Variants in CENPE observed in about 807,000 individuals in gnomAD.
The protein encoded by CENPE is centromere-associated protein E.
In CENPE, 145 loss-of-function variants were observed where a neutral mutation model predicts 336.1. The observed-to-expected ratio is 0.43, with a 90% confidence interval of 0.38 to 0.50. The LOEUF (loss-of-function observed/expected upper bound fraction) is 0.50, where lower values mean the gene tolerates loss of function less well. CENPE is among the 20% of genes least tolerant of loss of function. The probability of loss-of-function intolerance (pLI) is 0.00; values close to 1 mark genes in which losing one functional copy is unlikely to be tolerated. For synonymous variants in CENPE, 1,013 were observed against 984.8 expected (o/e 1.03, Z -0.54); for missense variants, 2,719 against 3,023.3 (o/e 0.90, Z 2.36).
At chr4:103,195,329 T>A in intron 4 of CENPE, 96 bp from the exon 5 acceptor site, 1 of 984,796 alleles carries the variant, frequency 1.0e-6, no homozygotes, top group Non-Finnish European at 1.4e-6. Flanking sequence ...AAAATGTATG[T>A]AAAACAAACT....
chr4:103,173,045 T>G, intron 16 of CENPE, among the ~76,000 whole-genome samples: 1 of 152,036 alleles, frequency 6.6e-6, no homozygotes, highest in East Asian at 1.9e-4. Flanking sequence ...AGACCCTGTA[T>G]AGCCAAAGCA....
At chr4:103,124,816 A>G (rs1750952950) in intron 42 of CENPE, among the ~76,000 whole-genome samples, 1 of 152,076 alleles carries the variant, frequency 6.6e-6, no homozygotes, top group African/African-American at 2.4e-5. Flanking sequence ...ATTCTACCAG[A>G]TCTTAAATTC....
chr4:103,107,885 T>G (rs1182752335), intron 48 of CENPE, among the ~76,000 whole-genome samples: 2 of 152,208 alleles, frequency 1.3e-5, no homozygotes, highest in East Asian at 3.8e-4. Flanking sequence ...CTCCTGCCAT[T>G]GCTTAAGATC....
chr4:103,169,311 G>C (rs1755197741), intron 16 of CENPE, among the ~76,000 whole-genome samples: 1 of 151,072 alleles, frequency 6.6e-6, no homozygotes, highest in African/African-American at 2.4e-5. Flanking sequence ...GCAAATATTT[G>C]GGTCACTGCA....
intron 11 of CENPE, chr4:103,181,658 T>C (rs1414391963): frequency 5.5e-6 from 2 of 366,190 alleles, no homozygotes; most frequent in East Asian, 6.2e-5. Context: ...TTCGGGAGAA[T>C]AAAAAAGATA....
At chr4:103,127,614 C>T (rs189299473) in intron 42 of CENPE, among the ~76,000 whole-genome samples, 216 of 152,110 alleles carry the variant, frequency 1.4e-3, no homozygotes, top group African/African-American at 4.8e-3. Context: ...AAATGAATAA[C>T]GGCAATGATA....
chr4:103,167,067 A>T (rs1260585711), intron 16 of CENPE, among the ~76,000 whole-genome samples: 2 of 152,174 alleles, frequency 1.3e-5, no homozygotes, highest in Non-Finnish European at 2.9e-5. Context: ...ATTTTCACAT[A>T]ACTCTCTTAG....
At position 103,149,015 on chromosome 4, in the gene CENPE, T is replaced by A; in HGVS notation, c.3688-16A>T. The A allele has an allele frequency of 6.2e-7, 1 of 1,606,650 alleles. No homozygotes were observed. Among genetic ancestry groups the A allele is most frequent in the Non-Finnish European group, 8.5e-7 (1 of 1,178,200 alleles). On this transcript the variant is annotated splice_polypyrimidine_tract_variant and intron_variant, in intron 27 of 48. Transcript: ENST00000265148. ...TTTGTAGGCCCTTGGCGAGTGAAAT[T>A]TAAAGAATATTGTAATATTCTTCCA...
intron 42 of CENPE, among the ~76,000 whole-genome samples, chr4:103,125,133 G>A (rs569257837): frequency 1.3e-5 from 2 of 152,244 alleles, no homozygotes; most frequent in Admixed American, 6.5e-5. Flanking sequence ...CAATAAACAG[G>A]ATGAACTTTC....
intron 21 of CENPE, 113 bp from the exon 22 acceptor site, chr4:103,159,437 A>C: frequency 1.6e-6 from 1 of 624,106 alleles, no homozygotes; most frequent in Non-Finnish European, 2.6e-6. Context: ...TTCAGCAAAA[A>C]TTTGACTGTG....
chr4:103,140,402 G>C lies in CENPE; in HGVS notation c.5767C>G (p.Gln1923Glu), dbSNP rs374410214. The change falls in exon 37 of 49, where the codon CAA (glutamine) becomes GAA (glutamate). Residue 1923 changes from glutamine (Q) to glutamate (E), a missense_variant. Around this residue, in one of 5 missense-constraint regions of CENPE, gnomAD observed 2,437 missense variants for 2,513.3 expected, o/e 0.97. Transcript: ENST00000265148. ...ATACGAGCAGTTTTTAGTTCCTGTTGTATTTCCAGATCCTTTATGGTTAGA... is the reference window on the plus strand; with the variant it reads ...ATACGAGCAGTTTTTAGTTCCTGTTCTATTTCCAGATCCTTTATGGTTAGA... ...QETKARDLEI[Q>E]QELKTARMLS... The C allele has an allele frequency of 3.1e-6, 5 of 1,587,438 alleles. No homozygotes were observed. The highest frequency in any genetic ancestry group is 2.7e-5 in the African/African-American group (2 of 73,406).
intron 16 of CENPE, among the ~76,000 whole-genome samples, chr4:103,173,864 G>A (rs1755634157): frequency 6.6e-6 from 1 of 151,872 alleles, no homozygotes; most frequent in Non-Finnish European, 1.5e-5. Context: ...GAAGGCAGAA[G>A]AGAACTTGTT....
At position 103,194,689 on chromosome 4, in the gene CENPE, A is replaced by C. The variant is rs965594001; in HGVS notation, c.478-5T>G. On this transcript the variant is annotated splice_polypyrimidine_tract_variant and splice_region_variant and intron_variant, in intron 5 of 48. Coordinates refer to ENST00000265148, the MANE Select transcript of CENPE (RefSeq NM_001813.3). ...ATCAGCAACATACACATTCCTCTGAAACAAGTTTAATTATGGAAAGATTAG... is the reference window on the plus strand; with the variant it reads ...ATCAGCAACATACACATTCCTCTGACACAAGTTTAATTATGGAAAGATTAG... 1 of 1,589,706 alleles carries C rather than the reference A, an allele frequency of 6.3e-7. No homozygotes were observed. The highest frequency in any genetic ancestry group is 1.4e-5 in the African/African-American group (1 of 73,918).
At chr4:103,154,225 C>A (rs1461367576) in intron 24 of CENPE, among the ~76,000 whole-genome samples, 3 of 151,200 alleles carry the variant, frequency 2.0e-5, no homozygotes. Context: ...CTGTCACCAA[C>A]TTCACACAAC....
intron 42 of CENPE, among the ~76,000 whole-genome samples, chr4:103,128,271 G>A (rs767964706): frequency 1.3e-5 from 2 of 152,056 alleles, no homozygotes; most frequent in Non-Finnish European, 2.9e-5. Context: ...AAATACTTGA[G>A]GCAAAAACTG....
At chr4:103,196,906 G>C (rs1757784826) in intron 1 of CENPE, 56 bp from the exon 2 acceptor site, 1 of 816,638 alleles carries the variant, frequency 1.2e-6, no homozygotes, top group Admixed American at 2.2e-5. Flanking sequence ...GTCATAGGAG[G>C]AATAATTGAA....
At chr4:103,166,785 G>C (rs1039935680) in intron 16 of CENPE, among the ~76,000 whole-genome samples, 3 of 152,084 alleles carry the variant, frequency 2.0e-5, no homozygotes, top group African/African-American at 7.2e-5. Flanking sequence ...GAATCACTTT[G>C]CAAGTCTGAT....
Position 103,160,756 on chromosome 4 carries a change from C to A in CENPE, c.2155G>T (p.Glu719Ter). The part of the protein sequence containing the change: ...PKDLLCNLEL[E>*]GKITDLQKEL... Reference sequence around the variant, plus strand: ...TTCTGAAGATCAGTAATCTTTCCTTCCAATTCCAAATTACAGAGCAAATCT... The same window carrying A: ...TTCTGAAGATCAGTAATCTTTCCTTACAATTCCAAATTACAGAGCAAATCT... Residue 719 changes from glutamate (E) to a stop codon, truncating the protein, a stop_gained, in exon 21 of 49, where the codon GAA (glutamate) becomes TAA (stop). Transcript: ENST00000265148. LOFTEE classifies it high-confidence loss of function. 1 of 1,600,932 alleles carries A rather than the reference C, an allele frequency of 6.2e-7. No individual in the cohort carries two copies. The highest frequency in any genetic ancestry group is 8.5e-7 in the Non-Finnish European group (1 of 1,174,148).
intron 21 of CENPE, among the ~76,000 whole-genome samples, chr4:103,160,176 T>C (rs1007378929): frequency 2.0e-5 from 3 of 151,954 alleles, no homozygotes; most frequent in Non-Finnish European, 4.4e-5. Flanking sequence ...AAAGAAAAAC[T>C]GGCAGGCCAT....
Sources: allele counts gnomAD v4.1 joint callset (sites outside exome capture counted in the v4.1 genomes callset), GRCh38; gene constraint gnomAD v4.1.1; regional missense constraint gnomAD v4.1.1; transcripts MANE v1.5; gene names NCBI Gene and HGNC (gene_info 2026-07-23, HGNC 2026-07-21).